Variants in MFAP3L observed in about 807,000 individuals in gnomAD.
MFAP3L encodes the protein microfibril associated protein 3 like.
In MFAP3L, 5 loss-of-function variants were observed where a neutral mutation model predicts 20.0. The ratio of observed to expected loss-of-function variants is 0.25; its 90% CI spans 0.13 to 0.53. MFAP3L has a LOEUF of 0.53. Ranked by LOEUF, MFAP3L falls within the 20% of genes least tolerant of loss-of-function variation. The probability of loss-of-function intolerance (pLI) is 0.96; values close to 1 mark genes in which losing one functional copy is unlikely to be tolerated. For synonymous variants in MFAP3L, 219 were observed against 213.0 expected (o/e 1.03, Z -0.25); for missense variants, 409 against 527.5 (o/e 0.78, Z 2.20).
chr4:169,997,991 A>G (rs1738319672), intron 2 of MFAP3L, among the ~76,000 whole-genome samples: 1 of 152,144 alleles, frequency 6.6e-6, no homozygotes, highest in African/African-American at 2.4e-5. Flanking sequence ...TTGACTGGAA[A>G]AACAGCAATG....
At chr4:170,000,434 T>C (rs760874143) in intron 2 of MFAP3L, among the ~76,000 whole-genome samples, 1 of 152,160 alleles carries the variant, frequency 6.6e-6, no homozygotes, top group Non-Finnish European at 1.5e-5. Context: ...AACCTATTAT[T>C]GTGAGGATAT....
rs1737418833 is a variant in MFAP3L, at chr4:169,988,351, A to G, written c.*3027T>C. ...CCAAGTTTACAGATCATCTAAGTGAATTAAATGTACACACATATGTGAATC... is the reference window on the plus strand; with the variant it reads ...CCAAGTTTACAGATCATCTAAGTGAGTTAAATGTACACACATATGTGAATC... On this transcript the variant is annotated 3_prime_UTR_variant, in exon 3 of 3. Transcript: ENST00000361618. The G allele has an allele frequency of 6.6e-6, 1 of 152,236 alleles. No individual in the cohort carries two copies. Among genetic ancestry groups the G allele is most frequent in the Non-Finnish European group, 1.5e-5 (1 of 68,038 alleles). 9.4% of individuals were successfully genotyped at this position (152,236 alleles called of 1,614,324 possible). A position where few individuals can be genotyped will look rare whatever the true frequency, so the allele number is the denominator to read the frequency against.
At chr4:170,021,454 T>C (rs537558874) in intron 1 of MFAP3L, among the ~76,000 whole-genome samples, 1 of 152,342 alleles carries the variant, frequency 6.6e-6, no homozygotes, top group African/African-American at 2.4e-5. Flanking sequence ...TGGGTAAAAA[T>C]CTTATCAAGT....
At chr4:170,002,393 T>A (rs1230789367) in intron 2 of MFAP3L, among the ~76,000 whole-genome samples, 3 of 152,214 alleles carry the variant, frequency 2.0e-5, no homozygotes, top group Non-Finnish European at 4.4e-5. Flanking sequence ...ATATGTCACT[T>A]GGTGCAGCGA....
rs560725558 is a variant in MFAP3L, at chr4:170,009,899, T to C, written c.-133-3889A>G. 1.1e-3 allele frequency among the ~76,000 whole-genome samples: 168 copies of C among 152,356 alleles called. 1 individual carries two copies. Among genetic ancestry groups the C allele is most frequent in the African/African-American group, 3.8e-3 (160 of 41,580 alleles). On this transcript the variant is annotated intron_variant, in intron 1 of 2. Coordinates refer to ENST00000361618, the MANE Select transcript of MFAP3L (RefSeq NM_021647.8). ...TTTGTACTAAATGAATATTATTGTTTTTTCTTGGCAGAGTCAATTTGGGTA... is the reference window on the plus strand; with the variant it reads ...TTTGTACTAAATGAATATTATTGTTCTTTCTTGGCAGAGTCAATTTGGGTA...
At chr4:170,021,278 T>G (rs916858322) in intron 1 of MFAP3L, among the ~76,000 whole-genome samples, 1 of 152,220 alleles carries the variant, frequency 6.6e-6, no homozygotes, top group African/African-American at 2.4e-5. Context: ...TGCCCACAGA[T>G]AGAGTACAAC....
At position 169,992,979 on chromosome 4, in the gene MFAP3L, T is replaced by A. The variant is rs77373719; in HGVS notation, c.299-670A>T. ...TGAGTATTCAGAGGCTGGATATGAA[T>A]TAATATCAATTTGTTTTAGCCTTGC... On this transcript the variant is annotated intron_variant, in intron 2 of 2. Transcript: ENST00000361618. This position sits in a 1 kb window ranked among gnomAD's most constrained non-coding sequence, Gnocchi z 4.3. 0.023 allele frequency among the ~76,000 whole-genome samples: 3,469 copies of A among 152,318 alleles called. 150 individuals carry two copies. Among genetic ancestry groups the A allele is most frequent in the African/African-American group, 0.078 (3,242 of 41,554 alleles).
In MFAP3L at chr4:170,026,367, T is replaced by A; in HGVS notation, c.-267A>T. Reference sequence around the variant, plus strand: ...CGGGCGAGCCGCCTCCGCCGGCGCCTCACAGCGTTGCGAGCTGCGCCGCCG... The same window carrying A: ...CGGGCGAGCCGCCTCCGCCGGCGCCACACAGCGTTGCGAGCTGCGCCGCCG... On this transcript the variant is annotated 5_prime_UTR_variant, in exon 1 of 3. Transcript: ENST00000361618. 1.2e-6 allele frequency: 1 copy of A among 858,100 alleles called. No individual in the cohort carries two copies. Among genetic ancestry groups the A allele is most frequent in the African/African-American group, 1.8e-5 (1 of 54,646 alleles). 53.2% of individuals were successfully genotyped at this position (858,100 alleles called of 1,614,324 possible).
chr4:170,000,301 T>C (rs1738522988), intron 2 of MFAP3L, among the ~76,000 whole-genome samples: 1 of 152,214 alleles, frequency 6.6e-6, no homozygotes, highest in African/African-American at 2.4e-5. Flanking sequence ...GGATAGGAAT[T>C]TCTTTTGCAT....
At chr4:170,026,996 A>G (rs1730488989), upstream of MFAP3L, 1 of 152,182 alleles carries the variant, frequency 6.6e-6, no homozygotes, top group African/African-American at 2.4e-5. Flanking sequence ...AGTCTGGAAA[A>G]AAACCCAGCG....
At chr4:170,001,840 C>A (rs1054039541) in intron 2 of MFAP3L, 2 of 791,462 alleles carry the variant, frequency 2.5e-6, no homozygotes, top group South Asian at 1.1e-4. Context: ...CTCTCCTGAT[C>A]CTGTGGAATT....
At chr4:170,002,187 T>C (rs1738678311) in intron 2 of MFAP3L, 1 of 985,172 alleles carries the variant, frequency 1.0e-6, no homozygotes, top group African/African-American at 1.7e-5. Flanking sequence ...ATTCACTCAG[T>C]CTGAGTGAGA....
At chr4:170,000,768 G>C (rs1175645844) in intron 2 of MFAP3L, among the ~76,000 whole-genome samples, 2 of 152,138 alleles carry the variant, frequency 1.3e-5, no homozygotes, top group Admixed American at 1.3e-4. Flanking sequence ...TATTGCCCAG[G>C]CTGGAAAGCA....
chr4:170,018,019 G>A (rs757461091), intron 1 of MFAP3L, among the ~76,000 whole-genome samples: 1 of 152,174 alleles, frequency 6.6e-6, no homozygotes, highest in African/African-American at 2.4e-5. Context: ...CAATTACTAT[G>A]GGGATTAAAA....
chr4:170,022,496 C>T (rs1425993250), intron 1 of MFAP3L, among the ~76,000 whole-genome samples: 1 of 152,212 alleles, frequency 6.6e-6, no homozygotes, highest in Non-Finnish European at 1.5e-5. Flanking sequence ...GCCTATTAGT[C>T]CATTGCACCA....
chr4:170,004,107 C>T (rs1016849717), intron 2 of MFAP3L, among the ~76,000 whole-genome samples: 1 of 152,142 alleles, frequency 6.6e-6, no homozygotes, highest in African/African-American at 2.4e-5. Context: ...CAGGCACGTG[C>T]CACCATGTCC....
rs1390920716 is a variant in MFAP3L at position 169,986,693 on chromosome 4, A to G, written c.*4685T>C. 4 of 152,200 alleles carry G rather than the reference A, an allele frequency of 2.6e-5. No homozygotes were observed. The highest frequency in any genetic ancestry group is 2.0e-4 in the Admixed American group (3 of 15,274). 9.4% of individuals were successfully genotyped at this position (152,200 alleles called of 1,614,324 possible). A position where few individuals can be genotyped will look rare whatever the true frequency, so the allele number is the denominator to read the frequency against. On this transcript the variant is annotated 3_prime_UTR_variant, in exon 3 of 3. Coordinates refer to ENST00000361618, the MANE Select transcript of MFAP3L (RefSeq NM_021647.8). The stretch of plus-strand genomic sequence containing the variant: ...TTTTGCTACTGTAATACCAACTTAT[A>G]TGAGTAACTTGTTTACAACTTTATT...
intron 2 of MFAP3L, chr4:169,994,672 T>A: frequency 2.0e-6 from 1 of 489,356 alleles, no homozygotes; most frequent in Non-Finnish European, 2.7e-6. Context: ...TGTGACATTG[T>A]TAAAAGGGGC....
Position 169,992,331 on chromosome 4 carries a change from A to G in MFAP3L, c.299-22T>C. 2 of 1,579,088 alleles carry G rather than the reference A, an allele frequency of 1.3e-6. No individual in the cohort carries two copies. The stretch of plus-strand genomic sequence containing the variant: ...TTTCCTGTCGGAAGGGAGAGAAGAG[A>G]ATTCAACCAAGGACACAGAGCTCCC... On this transcript the variant is annotated intron_variant, in intron 2 of 2. Coordinates refer to ENST00000361618, the MANE Select transcript of MFAP3L (RefSeq NM_021647.8). This position sits in a 1 kb window ranked among gnomAD's most constrained non-coding sequence, Gnocchi z 4.3.
Sources: gnomAD v4.1 joint callset for allele counts (sites outside exome capture counted in the v4.1 genomes callset) on GRCh38, gnomAD v4.1.1 for gene constraint, Gnocchi (gnomAD v3.1) non-coding constraint, MANE v1.5 for transcripts, NCBI Gene and HGNC (gene_info 2026-07-23, HGNC 2026-07-21) for gene names.